The following RGPD4 variants were observed in gnomAD, a reference collection of about 807,000 sequenced individuals.
The protein encoded by RGPD4 is RANBP2 like and GRIP domain containing 4, also known as ranBP2-like and GRIP domain-containing protein 4.
A neutral mutation model predicts 141.1 loss-of-function variants in RGPD4; 84 were observed. The observed-to-expected ratio is 0.60, with a 90% CI of 0.50 to 0.71. The LOEUF (loss-of-function observed/expected upper bound fraction) is 0.71, where lower values mean the gene tolerates loss of function less well. RGPD4 is among the 30% of genes least tolerant of loss of function. The pLI, the probability that RGPD4 is intolerant of heterozygous loss-of-function variation, is 0.00. For synonymous variants in RGPD4, 298 were observed against 566.8 expected, an observed-to-expected ratio of 0.53 and a Z score of 6.74; for missense variants, 918 against 1,622.4, an observed-to-expected ratio of 0.57 and a Z score of 7.46.
intron 1 of RGPD4, among the ~76,000 whole-genome samples, chr2:107,829,869 T>A (rs1021501630): frequency 1.2e-4 from 18 of 152,102 alleles, no homozygotes; most frequent in African/African-American, 4.3e-4. Context: ...TCGGCGGGTT[T>A]CTTCCCATCT....
intron 4 of RGPD4, among the ~76,000 whole-genome samples, chr2:107,840,866 T>C (rs1681778271): frequency 1.4e-5 from 1 of 69,730 alleles, no homozygotes; most frequent in Non-Finnish European, 3.2e-5. Flanking sequence ...ATCCACCCAC[T>C]TTGGCCTCCC....
chr2:107,872,881 C>A lies in RGPD4; in HGVS notation c.4877C>A (p.Pro1626Gln). The stretch of plus-strand genomic sequence containing the variant: ...GTCAAAAATCTCTCTGCTTCCTTTC[C>A]AATGGAAGAATCTTCAATCAACTAC... ...SKVKNLSASF[P>Q]MEESSINYTF... Residue 1626 changes from proline to glutamine, a missense_variant, in exon 20 of 23, where the codon CCA (proline) becomes CAA (glutamine). Coordinates refer to ENST00000408999, the MANE Select transcript of RGPD4 (RefSeq NM_182588.3). 2.5e-6 allele frequency: 4 copies of A among 1,587,492 alleles called. No homozygotes were observed. Among genetic ancestry groups the A allele is most frequent in the Non-Finnish European group, 3.4e-6 (4 of 1,171,664 alleles).
chr2:107,863,693 A>G (rs1440658495), intron 17 of RGPD4, among the ~76,000 whole-genome samples: 1 of 151,668 alleles, frequency 6.6e-6, no homozygotes, highest in Non-Finnish European at 1.5e-5. Context: ...GAGTTTCACC[A>G]TGTTGGCCAG....
chr2:107,888,902 C>G (rs548571009), intron 22 of RGPD4, among the ~76,000 whole-genome samples: 2 of 141,606 alleles, frequency 1.4e-5, no homozygotes, highest in Non-Finnish European at 3.0e-5. Flanking sequence ...TGTGAGAGAC[C>G]TTGAAATAGA....
rs1284129063 is a variant in RGPD4, at chr2:107,827,756, G to C, written c.72+671G>C. Among the ~76,000 whole-genome samples the C allele has an allele frequency of 2.2e-4, 8 of 35,820 alleles. 1 individual carries two copies. Among genetic ancestry groups the C allele is most frequent in the East Asian group, 7.6e-4 (2 of 2,616 alleles). The allele number at this position is 35,820 out of a possible 152,430, so 23.5% of individuals were successfully genotyped here. A position where few individuals can be genotyped will look rare whatever the true frequency, so the allele number is the denominator to read the frequency against. ...TGGCTCAGGCGTCATGGCTCCTGAC[G>C]GGCGCTGCTCCCTGGCGCGCTCTGT... On this transcript the variant is annotated intron_variant, in intron 1 of 22. Coordinates refer to ENST00000408999, the MANE Select transcript of RGPD4 (RefSeq NM_182588.3).
chr2:107,884,914 T>C (rs1675467964), intron 22 of RGPD4, among the ~76,000 whole-genome samples: 1 of 151,910 alleles, frequency 6.6e-6, no homozygotes, highest in Non-Finnish European at 1.5e-5. Flanking sequence ...AGAGGCCTGA[T>C]AAGATTCAGG....
chr2:107,858,060 G>A (rs1682389670), intron 9 of RGPD4, among the ~76,000 whole-genome samples: 1 of 151,908 alleles, frequency 6.6e-6, no homozygotes, highest in African/African-American at 2.4e-5. Context: ...AAATGGTTAT[G>A]TATGATTTAT....
intron 8 of RGPD4, 62 bp downstream of exon 8, chr2:107,854,705 C>G (rs1682245657): frequency 1.9e-6 from 3 of 1,569,542 alleles, no homozygotes; most frequent in East Asian, 2.4e-5. Flanking sequence ...TAAGGCATAT[C>G]TTATGATAAA....
In RGPD4 at chr2:107,885,826, G is replaced by A. The variant is rs1675496055; in HGVS notation, c.5266+2953G>A. Among the ~76,000 whole-genome samples the A allele has an allele frequency of 3.3e-5, 5 of 151,942 alleles. No individual in the cohort carries two copies. In the South Asian group the frequency reaches 1.0e-3, roughly 32 times the overall value. ...CCAGCACTTTGGGAGGCTGAGGAGG[G>A]TAGATCACCTGAGGTCAGGAGTTCA... On this transcript the variant is annotated intron_variant, in intron 22 of 22. Coordinates refer to ENST00000408999, the MANE Select transcript of RGPD4 (RefSeq NM_182588.3).
intron 9 of RGPD4, among the ~76,000 whole-genome samples, chr2:107,857,719 C>G (rs1558803525): frequency 6.6e-6 from 1 of 151,844 alleles, no homozygotes; most frequent in Non-Finnish European, 1.5e-5. Context: ...AAGCCTGACA[C>G]AGTGGCTCAT....
At chr2:107,829,542 G>A (rs1292585963) in intron 1 of RGPD4, among the ~76,000 whole-genome samples, 15 of 116,510 alleles carry the variant, frequency 1.3e-4, no homozygotes, top group Non-Finnish European at 1.8e-4. Context: ...CGGCGGCCTC[G>A]ACCTGGCCCG....
At chr2:107,831,112 GGTT>G (rs572705858) in intron 1 of RGPD4, among the ~76,000 whole-genome samples, 7,309 of 85,344 alleles carry the variant, frequency 0.086, 838 homozygotes, top group South Asian at 0.17. Context: ...TGGAGGCAGA[GGTT>G]GTGGTGAGCA....
Position 107,872,106 on chromosome 2 carries a change from G to A in RGPD4, c.4102G>A (p.Asp1368Asn). ...FSHRAELYRY[D>N]KDVGQWKERG... ...TCACAGGGCAGAACTCTACAGATATGATAAAGATGTTGGTCAATGGAAAGA... is the reference window on the plus strand; with the variant it reads ...TCACAGGGCAGAACTCTACAGATATAATAAAGATGTTGGTCAATGGAAAGA... The change falls in exon 20 of 23, where the codon GAT becomes AAT. Residue 1368 changes from aspartate to asparagine, a missense_variant. By Grantham distance (23) the Asp-to-Asn change is conservative. Transcript: ENST00000408999. 1.9e-6 allele frequency: 3 copies of A among 1,611,286 alleles called. No individual in the cohort carries two copies. Among genetic ancestry groups the A allele is most frequent in the South Asian group, 1.1e-5 (1 of 90,976 alleles).
intron 22 of RGPD4, among the ~76,000 whole-genome samples, chr2:107,884,785 G>C (rs1348613595): frequency 6.6e-6 from 1 of 150,780 alleles, no homozygotes; most frequent in African/African-American, 2.4e-5. Context: ...TGAATCATCT[G>C]GTATACTTAC....
At chr2:107,832,133 A>C (rs1681515264) in intron 1 of RGPD4, among the ~76,000 whole-genome samples, 2 of 151,856 alleles carry the variant, frequency 1.3e-5, no homozygotes, top group Non-Finnish European at 2.9e-5. Flanking sequence ...CAGCAACTTA[A>C]ACCCTCAAAT....
At chr2:107,858,401 T>C (rs1389665110) in intron 9 of RGPD4, among the ~76,000 whole-genome samples, 1 of 100,588 alleles carries the variant, frequency 9.9e-6, no homozygotes, top group African/African-American at 6.9e-5. Context: ...ACATAACCTT[T>C]TCTTTTCTTT....
At chr2:107,870,641 G>T in intron 19 of RGPD4, 64 bp from the exon 20 acceptor site, 4 of 1,180,540 alleles carry the variant, frequency 3.4e-6, no homozygotes, top group Non-Finnish European at 4.9e-6. Flanking sequence ...AATGAAGAAG[G>T]TATTTATTTC....
chr2:107,849,362 CT>C (rs60901392), intron 7 of RGPD4, among the ~76,000 whole-genome samples: 4,540 of 73,038 alleles, frequency 0.062, 65 homozygotes, highest in African/African-American at 0.12. Flanking sequence ...CGCGCCTGGC[CT>C]TTTTTTTTTT....
At chr2:107,887,256 TA>T (rs4012311) in intron 22 of RGPD4, among the ~76,000 whole-genome samples, 48,236 of 148,768 alleles carry the variant, frequency 0.32, 8,948 homozygotes, top group Non-Finnish European at 0.42. Context: ...ACCCCATCTT[TA>T]AAAAAAATTA....
Sources: allele counts gnomAD v4.1 joint callset (sites outside exome capture counted in the v4.1 genomes callset), GRCh38; gene constraint gnomAD v4.1.1; transcripts MANE v1.5; gene names NCBI Gene and HGNC (gene_info 2026-07-23, HGNC 2026-07-21).